The following WDR7 variants were observed in gnomAD, a reference collection of about 807,000 sequenced individuals.
WDR7 encodes WD repeat domain 7.
In WDR7, 46 loss-of-function variants were observed where a neutral mutation model predicts 169.4. That is an observed-to-expected ratio of 0.27 (90% CI 0.21 to 0.35). The LOEUF is 0.35. Among genes scored for constraint, WDR7 ranks in the 10% least tolerant of loss-of-function variants. The pLI is 1.00. For missense variants in WDR7, 1,534 were observed against 1,859.3 expected (o/e 0.83, Z 3.22); for synonymous variants, 612 against 666.8 (o/e 0.92, Z 1.27).
chr18:56,801,442 G>A (rs1279096823), intron 19 of WDR7, among the ~76,000 whole-genome samples: 5 of 151,992 alleles, frequency 3.3e-5, no homozygotes, highest in African/African-American at 7.3e-5. Context: ...GGGTTCCCTC[G>A]GCATTTTGGT....
chr18:56,988,690 A>C (rs969213203), intron 26 of WDR7, among the ~76,000 whole-genome samples: 58 of 151,808 alleles, frequency 3.8e-4, no homozygotes, highest in African/African-American at 1.4e-3. Flanking sequence ...AATAAAAAAA[A>C]TTGGGCATTC....
chr18:56,809,750 T>A (rs1379962127), intron 19 of WDR7, among the ~76,000 whole-genome samples: 1 of 152,146 alleles, frequency 6.6e-6, no homozygotes, highest in Non-Finnish European at 1.5e-5. Flanking sequence ...AATTCTCTTT[T>A]GTGACAGTGA....
intron 4 of WDR7, among the ~76,000 whole-genome samples, chr18:56,682,035 A>G (rs1387006811): frequency 2.0e-5 from 3 of 152,234 alleles, no homozygotes; most frequent in African/African-American, 2.4e-5. Flanking sequence ...ATGATCAATT[A>G]TGATTTCAAT....
At chr18:56,763,035 A>G (rs564634497) in intron 16 of WDR7, among the ~76,000 whole-genome samples, 46 of 151,782 alleles carry the variant, frequency 3.0e-4, no homozygotes, top group Non-Finnish European at 5.9e-4. Flanking sequence ...ATCTCAGCTC[A>G]CTGCAAGCTC....
At chr18:56,709,341 A>G (rs1390809493) in intron 12 of WDR7, among the ~76,000 whole-genome samples, 1 of 152,226 alleles carries the variant, frequency 6.6e-6, no homozygotes, top group Non-Finnish European at 1.5e-5. Context: ...ATTTTCTGGT[A>G]GATACCTAAA....
chr18:57,010,571 A>T (rs2048122341), intron 26 of WDR7, among the ~76,000 whole-genome samples: 2 of 152,310 alleles, frequency 1.3e-5, no homozygotes, highest in South Asian at 4.1e-4. Flanking sequence ...TGATCATATA[A>T]TATATTAACT....
At chr18:56,883,185 G>A (rs2046135848) in intron 21 of WDR7, among the ~76,000 whole-genome samples, 1 of 149,880 alleles carries the variant, frequency 6.7e-6, no homozygotes, top group Non-Finnish European at 1.5e-5. Context: ...CCTCCAGCCT[G>A]GGCGACAGAG....
intron 19 of WDR7, among the ~76,000 whole-genome samples, chr18:56,813,792 CATCA>C (rs1377141209): frequency 1.3e-5 from 2 of 152,042 alleles, no homozygotes; most frequent in Admixed American, 6.6e-5. Flanking sequence ...TTTTGGAAAG[CATCA>C]ATCAAAGAAC....
intron 16 of WDR7, among the ~76,000 whole-genome samples, chr18:56,776,313 A>G (rs2044242117): frequency 6.6e-6 from 1 of 152,170 alleles, no homozygotes; most frequent in Non-Finnish European, 1.5e-5. Context: ...AAAAGTTGAA[A>G]TGATCTTAGT....
Position 56,695,131 on chromosome 18 carries a change from A to G in WDR7, c.1290A>G (p.Ile430Met), listed in dbSNP as rs144992158. 6.2e-7 allele frequency: 1 copy of G among 1,614,172 alleles called. No homozygotes were observed. The highest frequency in any genetic ancestry group is 8.5e-7 in the Non-Finnish European group (1 of 1,180,026). The stretch of plus-strand genomic sequence containing the variant: ...TTTGTGGTCGTGAAGATGGAAGCAT[A>G]GTTATTGTACCTGCCACACAGACGG... ...RLVCGREDGS[I>M]VIVPATQTAI... Residue 430 changes from isoleucine to methionine, a missense_variant, in exon 11 of 28, where the codon ATA becomes ATG. Coordinates refer to ENST00000254442, the MANE Select transcript of WDR7 (RefSeq NM_015285.3).
intron 21 of WDR7, among the ~76,000 whole-genome samples, chr18:56,893,189 G>T (rs1366084848): frequency 6.7e-6 from 1 of 149,816 alleles, no homozygotes; most frequent in Non-Finnish European, 1.5e-5. Flanking sequence ...TTGTTTGCTG[G>T]TGACTTTTTT....
At chr18:56,914,322 AG>A (rs1443120305) in intron 21 of WDR7, among the ~76,000 whole-genome samples, 1 of 152,172 alleles carries the variant, frequency 6.6e-6, no homozygotes. Context: ...TTTTCTTCAC[AG>A]CACTTAGTGC....
intron 20 of WDR7, among the ~76,000 whole-genome samples, chr18:56,855,047 A>T (rs538378260): frequency 1.3e-5 from 2 of 152,328 alleles, no homozygotes; most frequent in East Asian, 3.9e-4. Flanking sequence ...TCACATTCTT[A>T]TCCAAGATGT....
chr18:56,760,188 G>A (rs760421206), intron 16 of WDR7, among the ~76,000 whole-genome samples: 1 of 152,078 alleles, frequency 6.6e-6, no homozygotes, highest in African/African-American at 2.4e-5. Flanking sequence ...AAACAGAAAC[G>A]TACAGTGATT....
Position 56,694,836 on chromosome 18 carries a change from A to G in WDR7, c.1108+76A>G. On this transcript the variant is annotated intron_variant, in intron 10 of 27. Transcript: ENST00000254442. The stretch of plus-strand genomic sequence containing the variant: ...TACCAACTACTGAATAACATTCATA[A>G]TGTACATATATCATTTTCTTTGATT... 3.9e-6 allele frequency: 6 copies of G among 1,529,124 alleles called. No homozygotes were observed. The Admixed American group carries it at 1.0e-4, about 26-fold the overall frequency. 94.7% of individuals were successfully genotyped at this position (1,529,124 alleles called of 1,614,324 possible). A position where few individuals can be genotyped will look rare whatever the true frequency, so the allele number is the denominator to read the frequency against.
intron 27 of WDR7, among the ~76,000 whole-genome samples, chr18:57,025,507 C>A (rs1053377626): frequency 1.3e-5 from 2 of 152,192 alleles, no homozygotes; most frequent in African/African-American, 2.4e-5. Context: ...CAGTAAGGAA[C>A]TGCCTGGCTG....
chr18:56,993,067 A>G (rs1038024111), intron 26 of WDR7, among the ~76,000 whole-genome samples: 2 of 152,204 alleles, frequency 1.3e-5, no homozygotes, highest in Non-Finnish European at 2.9e-5. Flanking sequence ...AATTGACTAT[A>G]TATTATATCT....
intron 1 of WDR7, among the ~76,000 whole-genome samples, chr18:56,656,006 GT>G (rs2144408438): frequency 6.6e-6 from 1 of 152,268 alleles, no homozygotes; most frequent in Non-Finnish European, 1.5e-5. Context: ...TATCTGGGCT[GT>G]TTTTAATTTT....
intron 15 of WDR7, among the ~76,000 whole-genome samples, chr18:56,758,128 T>G (rs2043926214): frequency 1.3e-5 from 2 of 152,182 alleles, no homozygotes; most frequent in South Asian, 4.1e-4. Context: ...GAGAATACTA[T>G]TTTAATATTT....
Sources: allele counts gnomAD v4.1 joint callset (sites outside exome capture counted in the v4.1 genomes callset), GRCh38; gene constraint gnomAD v4.1.1; transcripts MANE v1.5; gene names NCBI Gene and HGNC (gene_info 2026-07-23, HGNC 2026-07-21).